Variants in HERC3 observed in about 807,000 individuals in gnomAD.
HERC3 encodes probable E3 ubiquitin-protein ligase HERC3.
Under a neutral mutation model 129.9 loss-of-function variants are expected in HERC3, and 58 were observed. The ratio of observed to expected loss-of-function variants is 0.45; its 90% CI spans 0.36 to 0.56. The LOEUF is 0.56. Among genes scored for constraint, HERC3 ranks in the 20% least tolerant of loss-of-function variants. HERC3 has a pLI of 0.00. For synonymous variants in HERC3, 430 were observed against 451.0 expected (o/e 0.95, Z 0.59); for missense variants, 835 against 1,244.2 (o/e 0.67, Z 4.95).
intron 3 of HERC3, among the ~76,000 whole-genome samples, chr4:88,623,933 T>G (rs1215216806): frequency 1.3e-5 from 2 of 152,212 alleles, no homozygotes; most frequent in Non-Finnish European, 2.9e-5. Context: ...ACTTCTCATT[T>G]CCCTTTATGT....
chr4:88,632,341 G>A (rs751502621), intron 3 of HERC3, among the ~76,000 whole-genome samples: 3 of 152,172 alleles, frequency 2.0e-5, no homozygotes, highest in Non-Finnish European at 4.4e-5. Flanking sequence ...TTCCCCAGAA[G>A]ACCCAGAATC....
the HERC3 span, among the ~76,000 whole-genome samples, chr4:88,583,120 G>T: frequency 1.8e-4 from 27 of 152,200 alleles, no homozygotes; most frequent in East Asian, 4.6e-3. Flanking sequence ...TCAGAGTCTT[G>T]CTTTATGGTA....
chr4:88,604,960 A>G (rs1210272739), intron 2 of HERC3, among the ~76,000 whole-genome samples: 5 of 152,078 alleles, frequency 3.3e-5, no homozygotes, highest in Admixed American at 6.6e-5. Flanking sequence ...TTTTGTTTGT[A>G]TGAAAGGGAA....
intron 9 of HERC3, 80 bp from the exon 10 acceptor site, chr4:88,658,335 A>G: frequency 1.4e-6 from 1 of 715,272 alleles, no homozygotes; most frequent in Non-Finnish European, 2.4e-6. Flanking sequence ...TCTGAAGTGT[A>G]TTCTGCGACA....
In HERC3 at chr4:88,697,373, C is replaced by T. The variant is rs145185135; in HGVS notation, c.2658-6725C>T. Reference sequence around the variant, plus strand: ...CCCTCCAAGGTCCATGCACACCCCTCCATCTCGCCGGTGAGCTCTTGGATC... The same window carrying T: ...CCCTCCAAGGTCCATGCACACCCCTTCATCTCGCCGGTGAGCTCTTGGATC... On this transcript the variant is annotated intron_variant, in intron 23 of 25. Transcript: ENST00000402738. 1.5e-5 allele frequency: 24 copies of T among 1,613,956 alleles called. No individual in the cohort carries two copies. Among genetic ancestry groups the T allele is most frequent in the Non-Finnish European group, 1.8e-5 (21 of 1,180,036 alleles).
the HERC3 span, among the ~76,000 whole-genome samples, chr4:88,579,232 A>AAAAAAAAAAAATATATATATATATAT: frequency 9.6e-6 from 1 of 104,092 alleles, no homozygotes; most frequent in Non-Finnish European, 1.7e-5. Flanking sequence ...AAAAAAAAAA[A>AAAAAAAAAAAATATATATATATATAT]ATATATATAT....
At chr4:88,563,455 A>AT in the HERC3 span, among the ~76,000 whole-genome samples, 1 of 152,268 alleles carries the variant, frequency 6.6e-6, no homozygotes, top group Non-Finnish European at 1.5e-5. Context: ...AATAAGGATC[A>AT]TTTGACTTCT....
chr4:88,628,903 G>T (rs897685054), intron 3 of HERC3, among the ~76,000 whole-genome samples: 3 of 152,178 alleles, frequency 2.0e-5, no homozygotes, highest in Non-Finnish European at 2.9e-5. Context: ...GGCTGGGCGC[G>T]GTGGCTCATG....
chr4:88,638,839 AC>A (rs1211188500), intron 3 of HERC3, among the ~76,000 whole-genome samples: 1 of 151,698 alleles, frequency 6.6e-6, no homozygotes, highest in Non-Finnish European at 1.5e-5. Flanking sequence ...TATTTAGAAA[AC>A]GCCATCATCT....
intron 3 of HERC3, among the ~76,000 whole-genome samples, chr4:88,642,374 T>A (rs1325881360): frequency 3.3e-5 from 5 of 152,160 alleles, no homozygotes; most frequent in African/African-American, 1.2e-4. Context: ...AGGAACACAC[T>A]AGAAGTAGAA....
chr4:88,681,040 T>TA (rs1732718846), intron 20 of HERC3, 119 bp from the exon 21 acceptor site: 1 of 1,452,874 alleles, frequency 6.9e-7, no homozygotes, highest in Admixed American at 2.6e-5. Context: ...AGAAGGTAAC[T>TA]AAATATTAAT....
At chr4:88,696,235 T>C (rs1734582847) in intron 23 of HERC3, 1 of 152,638 alleles carries the variant, frequency 6.6e-6, no homozygotes, top group African/African-American at 2.4e-5. Flanking sequence ...TCTTCAAGTA[T>C]ATATTTTTTC....
chr4:88,545,203 T>C, the HERC3 span, among the ~76,000 whole-genome samples: 1 of 152,222 alleles, frequency 6.6e-6, no homozygotes, highest in South Asian at 2.1e-4. Context: ...TCACATTACA[T>C]GCCTGCATCA....
intron 23 of HERC3, among the ~76,000 whole-genome samples, chr4:88,699,409 C>A (rs1390563439): frequency 1.5e-5 from 2 of 133,582 alleles, no homozygotes; most frequent in South Asian, 2.9e-4. Flanking sequence ...CACCTTCCCC[C>A]ACGGTCTTCA....
intron 3 of HERC3, among the ~76,000 whole-genome samples, chr4:88,610,002 C>T (rs1236618068): frequency 2.0e-5 from 3 of 152,092 alleles, no homozygotes; most frequent in Non-Finnish European, 2.9e-5. Flanking sequence ...TGTCATGGCG[C>T]TGGTGGGAGT....
At chr4:88,624,071 A>T (rs924235583) in intron 3 of HERC3, among the ~76,000 whole-genome samples, 2 of 152,208 alleles carry the variant, frequency 1.3e-5, no homozygotes, top group African/African-American at 4.8e-5. Flanking sequence ...TTCTTAGAAT[A>T]ATGCTCTTGA....
At chr4:88,678,739 C>T (rs1212193441) in intron 19 of HERC3, among the ~76,000 whole-genome samples, 1 of 152,166 alleles carries the variant, frequency 6.6e-6, no homozygotes, top group Non-Finnish European at 1.5e-5. Context: ...TTCCATATCC[C>T]TATTGCTAAT....
intron 23 of HERC3, among the ~76,000 whole-genome samples, chr4:88,694,879 A>T (rs1734439105): frequency 6.6e-6 from 1 of 152,112 alleles, no homozygotes; most frequent in African/African-American, 2.4e-5. Context: ...GTGCCTATAA[A>T]TGGTTATTGG....
At chr4:88,613,162 G>T (rs1273865939) in intron 3 of HERC3, among the ~76,000 whole-genome samples, 2 of 152,150 alleles carry the variant, frequency 1.3e-5, no homozygotes, top group Non-Finnish European at 2.9e-5. Flanking sequence ...CGTGGTAGGG[G>T]CAGTTATTTA....
Sources: gnomAD v4.1 joint callset for allele counts (sites outside exome capture counted in the v4.1 genomes callset) on GRCh38, gnomAD v4.1.1 for gene constraint, MANE v1.5 for transcripts, NCBI Gene and HGNC (gene_info 2026-07-23, HGNC 2026-07-21) for gene names.